The following CTNNA3 variants were observed in gnomAD, a reference collection of about 807,000 sequenced individuals.
CTNNA3 encodes the protein catenin alpha-3.
In CTNNA3, 76 loss-of-function variants were observed where a neutral mutation model predicts 95.7. The observed-to-expected ratio is 0.79, with a 90% CI of 0.66 to 0.96. CTNNA3 has a LOEUF of 0.96. Ranked by LOEUF, CTNNA3 falls within the 40% of genes least tolerant of loss-of-function variation. CTNNA3 has a pLI of 0.00. For missense variants in CTNNA3, 1,191 were observed against 1,089.8 expected (o/e 1.09, Z -1.31); for synonymous variants, 431 against 374.4 (o/e 1.15, Z -1.74).
At chr10:67,540,622 C>T (rs964316629) in intron 3 of CTNNA3, among the ~76,000 whole-genome samples, 1 of 151,702 alleles carries the variant, frequency 6.6e-6, no homozygotes, top group Admixed American at 6.6e-5. Flanking sequence ...ATGTTTTATA[C>T]ATGTATGTGT....
At position 66,926,084 on chromosome 10, in the gene CTNNA3, C is replaced by T. The variant is rs1336084038; in HGVS notation, c.1048-150560G>A. On this transcript the variant is annotated intron_variant, in intron 7 of 17. Coordinates refer to ENST00000433211, the MANE Select transcript of CTNNA3 (RefSeq NM_013266.4). ...TGACAGTCTGCAGAAGTGAGCTGAG[C>T]GTGTGCGCGGTACGGGGCTCTCCTG... 4 of 457,666 alleles carry T rather than the reference C, an allele frequency of 8.7e-6. 1 individual carries two copies. Among genetic ancestry groups the T allele is most frequent in the South Asian group, 4.6e-5 (3 of 64,586 alleles). 28.4% of individuals were successfully genotyped at this position (457,666 alleles called of 1,614,324 possible).
At chr10:66,452,318 T>C (rs974447479) in intron 11 of CTNNA3, among the ~76,000 whole-genome samples, 2 of 152,182 alleles carry the variant, frequency 1.3e-5, no homozygotes, top group Non-Finnish European at 2.9e-5. Context: ...TGATAATAAA[T>C]CTGTGACCCC....
At position 66,302,499 on chromosome 10, in the gene CTNNA3, T is replaced by C. The variant is rs1461265458; in HGVS notation, c.1733-21878A>G. Among the ~76,000 whole-genome samples, 41 of 152,212 alleles carry C rather than the reference T, an allele frequency of 2.7e-4. 1 individual carries two copies. Among genetic ancestry groups the C allele is most frequent in the Admixed American group, 2.7e-3 (41 of 15,288 alleles). On this transcript the variant is annotated intron_variant, in intron 12 of 17. Coordinates refer to ENST00000433211, the MANE Select transcript of CTNNA3 (RefSeq NM_013266.4). The stretch of plus-strand genomic sequence containing the variant: ...AAGTAAAAGAAACTGTGAAAAGTTG[T>C]CACATTTCGAAAGACACTATGAAGA...
Position 66,682,947 on chromosome 10 carries a change from A to C in CTNNA3, c.1282-61163T>G, listed in dbSNP as rs140545778. Among the ~76,000 whole-genome samples, 451 of 152,196 alleles carry C rather than the reference A, an allele frequency of 3.0e-3. 5 individuals carry two copies. The highest frequency in any genetic ancestry group is 0.01 in the African/African-American group (417 of 41,536). ...GAAAATACTCATACCTGCCCTCCTCATTTCACAGGTTGTGGAGCAAATGCA... is the reference window on the plus strand; with the variant it reads ...GAAAATACTCATACCTGCCCTCCTCCTTTCACAGGTTGTGGAGCAAATGCA... On this transcript the variant is annotated intron_variant, in intron 9 of 17. Transcript: ENST00000433211.
chr10:66,164,151 T>C (rs2085000189), intron 13 of CTNNA3, among the ~76,000 whole-genome samples: 1 of 152,218 alleles, frequency 6.6e-6, no homozygotes, highest in Admixed American at 6.5e-5. Flanking sequence ...GAAGGCACTA[T>C]AAAATTTGTC....
At chr10:66,101,878 T>C (rs1240567359) in intron 14 of CTNNA3, among the ~76,000 whole-genome samples, 1 of 152,186 alleles carries the variant, frequency 6.6e-6, no homozygotes, top group Non-Finnish European at 1.5e-5. Context: ...GGATTCTAGG[T>C]AAAATTTGGT....
rs75765723 is a variant in CTNNA3 at position 66,996,828 on chromosome 10, A to G, written c.1047+183489T>C. Among the ~76,000 whole-genome samples the G allele has an allele frequency of 3.9e-4, 59 of 152,146 alleles. No individual in the cohort carries two copies. In the East Asian group the frequency reaches 9.7e-3, roughly 25 times the overall value. ...AATTTTGCTCTACAATTACACTGTT[A>G]AACACAGTAATTCTAAACAATTCCA... On this transcript the variant is annotated intron_variant, in intron 7 of 17. Transcript: ENST00000433211.
chr10:66,529,414 G>C (rs1320103776), intron 10 of CTNNA3, among the ~76,000 whole-genome samples: 1 of 148,886 alleles, frequency 6.7e-6, no homozygotes, highest in Non-Finnish European at 1.5e-5. Context: ...TTACAGGCGT[G>C]AGCCACCGAG....
At chr10:67,440,554 T>TCTGA (rs1034367344) in intron 5 of CTNNA3, among the ~76,000 whole-genome samples, 3 of 152,084 alleles carry the variant, frequency 2.0e-5, no homozygotes, top group African/African-American at 7.2e-5. Context: ...TGGCTTCAGG[T>TCTGA]CTGACCTCTG....
chr10:67,363,722 A>G (rs529072391), intron 5 of CTNNA3, among the ~76,000 whole-genome samples: 1 of 152,352 alleles, frequency 6.6e-6, no homozygotes, highest in South Asian at 2.1e-4. Context: ...TAGAAAATCT[A>G]GAAAAAATGG....
rs959150917 is a variant in CTNNA3, at chr10:67,077,748, T to C, written c.1047+102569A>G. ...ATAATATCTATTTCTATTTATTCGC[T>C]CATCTCACTAGCACCTAAGACAGTA... On this transcript the variant is annotated intron_variant, in intron 7 of 17. Coordinates refer to ENST00000433211, the MANE Select transcript of CTNNA3 (RefSeq NM_013266.4). 1.4e-4 allele frequency among the ~76,000 whole-genome samples: 22 copies of C among 152,212 alleles called. No homozygotes were observed. In the East Asian group the frequency reaches 4.2e-3, roughly 29 times the overall value.
At chr10:66,925,787 T>C (rs1847032534) in intron 7 of CTNNA3, 1 of 297,150 alleles carries the variant, frequency 3.4e-6, no homozygotes, top group Non-Finnish European at 6.7e-6. Context: ...TGTTTAGCAA[T>C]TAAGTGGACA....
At chr10:66,197,368 A>ATCTG (rs2087032881) in intron 13 of CTNNA3, among the ~76,000 whole-genome samples, 1 of 151,856 alleles carries the variant, frequency 6.6e-6, no homozygotes, top group Admixed American at 6.6e-5. Flanking sequence ...CTATCTATCT[A>ATCTG]TCTATCTATC....
intron 7 of CTNNA3, among the ~76,000 whole-genome samples, chr10:67,127,798 C>G (rs190885027): frequency 6.6e-6 from 1 of 152,228 alleles, no homozygotes; most frequent in Admixed American, 6.5e-5. Context: ...CTTCTACACT[C>G]TGACTTAGAG....
intron 10 of CTNNA3, among the ~76,000 whole-genome samples, chr10:66,558,398 C>A (rs1842454776): frequency 1.3e-5 from 2 of 151,962 alleles, no homozygotes; most frequent in South Asian, 4.1e-4. Flanking sequence ...GGGGAAATGG[C>A]AAAAAATAAC....
chr10:66,830,767 G>A (rs992504355), intron 7 of CTNNA3, among the ~76,000 whole-genome samples: 3 of 151,938 alleles, frequency 2.0e-5, no homozygotes, highest in East Asian at 1.9e-4. Context: ...CCGCCATCAC[G>A]CCCGGCTAAT....
intron 7 of CTNNA3, among the ~76,000 whole-genome samples, chr10:67,163,635 T>C (rs1422508143): frequency 5.3e-5 from 8 of 152,008 alleles, no homozygotes; most frequent in Non-Finnish European, 1.0e-4. Flanking sequence ...CAGTAAGGTA[T>C]GAAAATTAAG....
intron 12 of CTNNA3, among the ~76,000 whole-genome samples, chr10:66,327,892 C>G (rs1342017883): frequency 6.6e-6 from 1 of 151,886 alleles, no homozygotes; most frequent in Non-Finnish European, 1.5e-5. Flanking sequence ...AAGATGTTAT[C>G]TCTGCTTGTT....
At chr10:66,099,954 G>A (rs2081552332) in intron 14 of CTNNA3, among the ~76,000 whole-genome samples, 1 of 152,048 alleles carries the variant, frequency 6.6e-6, no homozygotes, top group Non-Finnish European at 1.5e-5. Context: ...TTGAGCCTTA[G>A]TGATCTTATT....
Sources: allele counts gnomAD v4.1 joint callset (sites outside exome capture counted in the v4.1 genomes callset), GRCh38; gene constraint gnomAD v4.1.1; transcripts MANE v1.5; gene names NCBI Gene and HGNC (gene_info 2026-07-23, HGNC 2026-07-21).